Variants in KMT2B observed in about 807,000 individuals in gnomAD.
The protein encoded by KMT2B is lysine methyltransferase 2B.
Under a neutral mutation model 255.3 loss-of-function variants are expected in KMT2B, and 22 were observed. That is an observed-to-expected ratio of 0.09 (90% CI 0.06 to 0.12). KMT2B has a LOEUF of 0.12. Among genes scored for constraint, KMT2B ranks in the 10% least tolerant of loss-of-function variants. KMT2B has a pLI of 1.00. For synonymous variants in KMT2B, 1,730 were observed against 1,498.1 expected, an observed-to-expected ratio of 1.15 and a Z score of -3.57; for missense variants, 3,149 against 3,737.0, an observed-to-expected ratio of 0.84 and a Z score of 4.10.
In KMT2B at chr19:35,737,997, G is replaced by C; in HGVS notation, c.7742+55G>C. 1.9e-6 allele frequency: 3 copies of C among 1,611,310 alleles called. No homozygotes were observed. In the South Asian group the frequency reaches 3.3e-5, roughly 18 times the overall value. ...TTGGGTGGACGGACAGGTGCACTGG[G>C]TAGGGGGTACTGTCTGGTTTCTGTC... On this transcript the variant is annotated intron_variant, in intron 35 of 36. Transcript: ENST00000420124. This position sits in a 1 kb window ranked among gnomAD's most constrained non-coding sequence, Gnocchi z 5.3.
chr19:35,724,921 C>T (rs969502540), intron 9 of KMT2B, 68 bp from the exon 10 acceptor site: 34 of 1,251,162 alleles, frequency 2.7e-5, no homozygotes, highest in South Asian at 1.1e-4. Flanking sequence ...GGGGGAAAGG[C>T]GGTGAGGAGA....
In KMT2B at chr19:35,723,687, G is replaced by A; in HGVS notation, c.3059-45G>A. 3.4e-6 allele frequency: 5 copies of A among 1,492,284 alleles called. No homozygotes were observed. Among genetic ancestry groups the A allele is most frequent in the Non-Finnish European group, 4.5e-6 (5 of 1,112,160 alleles). The allele number at this position is 1,492,284 out of a possible 1,614,324, so 92.4% of individuals were successfully genotyped here. A position where few individuals can be genotyped will look rare whatever the true frequency, so the allele number is the denominator to read the frequency against. On this transcript the variant is annotated intron_variant, in intron 7 of 36. Transcript: ENST00000420124. This position sits in a 1 kb window ranked among gnomAD's most constrained non-coding sequence, Gnocchi z 7.5. Reference sequence around the variant, plus strand: ...TCTGGCTTCTCTCCCAGTGTCCCATGTCCCTGGCTGAGCTCAAATCCTACT... The same window carrying A: ...TCTGGCTTCTCTCCCAGTGTCCCATATCCCTGGCTGAGCTCAAATCCTACT...
intron 2 of KMT2B, 87 bp downstream of exon 2, chr19:35,719,628 C>CT: frequency 6.7e-7 from 1 of 1,502,696 alleles, no homozygotes; most frequent in Admixed American, 1.8e-5. Flanking sequence ...CAACTAGCCT[C>CT]TGTCAGTTGC....
rs772460371 is a variant in KMT2B, at chr19:35,730,358, A to G, written c.5093A>G (p.Asp1698Gly). The G allele has an allele frequency of 1.9e-6, 3 of 1,611,854 alleles. No individual in the cohort carries two copies. Among genetic ancestry groups the G allele is most frequent in the African/African-American group, 2.7e-5 (2 of 74,908 alleles). The change falls in exon 24 of 37, where the codon GAT (aspartate) becomes GGT (glycine). Residue 1698 changes from aspartate (D) to glycine (G), a missense_variant. Asp to Gly is a moderately conservative substitution (Grantham distance 94). Around this residue, in one of 18 missense-constraint regions of KMT2B, gnomAD observed 58 missense variants for 96.9 expected, o/e 0.60. Coordinates refer to ENST00000420124, the MANE Select transcript of KMT2B (RefSeq NM_014727.3). ...LLDGKEIVNP[D>G]GFDVLRRVYV... Reference sequence around the variant, plus strand: ...CTCTTCCAGGAAATTGTGAACCCCGATGGTTTTGATGTTCTCCGCCGAGTC... The same window carrying G: ...CTCTTCCAGGAAATTGTGAACCCCGGTGGTTTTGATGTTCTCCGCCGAGTC...
At chr19:35,722,219 G>C (rs1020621403) in intron 3 of KMT2B, 140 bp from the exon 4 acceptor site, 50 of 834,032 alleles carry the variant, frequency 6.0e-5, no homozygotes, top group Non-Finnish European at 8.5e-5. Context: ...TGGCTAGGCT[G>C]GTCTTGAACT....
Position 35,723,598 on chromosome 19 carries a change from C to T in KMT2B, c.3058+96C>T, listed in dbSNP as rs1169135242. On this transcript the variant is annotated intron_variant, in intron 7 of 36. Coordinates refer to ENST00000420124, the MANE Select transcript of KMT2B (RefSeq NM_014727.3). The surrounding 1 kb of genome is among the most constrained non-coding windows in gnomAD (Gnocchi z 7.5). ...CTTTGCTCTCCTCCCTTGCAGCTCACCCTCTCCATCTTCTCCGTTGTGTGC... is the reference window on the plus strand; with the variant it reads ...CTTTGCTCTCCTCCCTTGCAGCTCATCCTCTCCATCTTCTCCGTTGTGTGC... 7.7e-7 allele frequency: 1 copy of T among 1,305,780 alleles called. No individual in the cohort carries two copies. Among genetic ancestry groups the T allele is most frequent in the Non-Finnish European group, 1.1e-6 (1 of 950,832 alleles). 80.9% of individuals were successfully genotyped at this position (1,305,780 alleles called of 1,614,324 possible).
At position 35,721,584 on chromosome 19, in the gene KMT2B, C is replaced by T. The variant is rs779899277; in HGVS notation, c.2237C>T (p.Thr746Ile). The change falls in exon 3 of 37, where the codon ACC (threonine) becomes ATC (isoleucine). Residue 746 changes from threonine (T) to isoleucine (I), a missense_variant. Transcript: ENST00000420124. The stretch of plus-strand genomic sequence containing the variant: ...CTGCAGCCCCTGCAGGCCTTGCAAA[C>T]CCAGCTCCTGCCCCAGGCACTACCG... ...QLLQPLQALQ[T>I]QLLPQALPPP... The T allele has an allele frequency of 1.4e-5, 23 of 1,612,170 alleles. No individual in the cohort carries two copies. Among genetic ancestry groups the T allele is most frequent in the Non-Finnish European group, 1.9e-5 (23 of 1,179,838 alleles).
chr19:35,719,358 A>G, intron 1 of KMT2B, 111 bp from the exon 2 acceptor site: 1 of 755,566 alleles, frequency 1.3e-6, no homozygotes. Flanking sequence ...CTTTTTAAAT[A>G]GGCAGGGGTA....
In KMT2B at chr19:35,737,332, C is replaced by G; in HGVS notation, c.7550+69C>G. ...GAGAGCTCTTGAGGGTGGGAGTTAA[C>G]TGTAGAGGTTGGAAACTGAGGCCTG... On this transcript the variant is annotated intron_variant, in intron 33 of 36. Transcript: ENST00000420124. The surrounding 1 kb of genome is among the most constrained non-coding windows in gnomAD (Gnocchi z 5.3). 1 of 1,417,106 alleles carries G rather than the reference C, an allele frequency of 7.1e-7. No individual in the cohort carries two copies. Among genetic ancestry groups the G allele is most frequent in the Non-Finnish European group, 9.3e-7 (1 of 1,077,272 alleles). The allele number at this position is 1,417,106 out of a possible 1,614,324, so 87.8% of individuals were successfully genotyped here.
In KMT2B at chr19:35,720,470, G is replaced by A. The variant is rs1969140603; in HGVS notation, c.1123G>A (p.Asp375Asn). 4 of 1,551,204 alleles carry A rather than the reference G, an allele frequency of 2.6e-6. No individual in the cohort carries two copies. The highest frequency in any genetic ancestry group is 1.4e-5 in the African/African-American group (1 of 72,922). ...EEEKKEEEEK[D>N]KEGEEKEERA... The stretch of plus-strand genomic sequence containing the variant: ...AGAGAAGAAAGAAGAAGAAGAAAAA[G>A]ACAAGGAGGGAGAAGAGAAGGAAGA... Residue 375 changes from aspartate (D) to asparagine (N), a missense_variant, in exon 3 of 37, where the codon GAC (aspartate) becomes AAC (asparagine). Physicochemically the swap from Asp to Asn is conservative, Grantham distance 23. Around this residue, in one of 18 missense-constraint regions of KMT2B, gnomAD observed 1,188 missense variants for 1,106.4 expected, o/e 1.07. Coordinates refer to ENST00000420124, the MANE Select transcript of KMT2B (RefSeq NM_014727.3).
At position 35,729,154 on chromosome 19, in the gene KMT2B, C is replaced by A; in HGVS notation, c.4780-5C>A. The A allele has an allele frequency of 6.2e-7, 1 of 1,613,856 alleles. No individual in the cohort carries two copies. Among genetic ancestry groups the A allele is most frequent in the Non-Finnish European group, 8.5e-7 (1 of 1,179,820 alleles). On this transcript the variant is annotated splice_region_variant and splice_polypyrimidine_tract_variant and intron_variant, in intron 21 of 36. Coordinates refer to ENST00000420124, the MANE Select transcript of KMT2B (RefSeq NM_014727.3). The stretch of plus-strand genomic sequence containing the variant: ...CCACATCATGCCACTCCTCTTCTGC[C>A]CCAGGAGGCGGGGCGGCTCTTGTAC...
Position 35,720,392 on chromosome 19 carries a change from G to A in KMT2B, c.1045G>A (p.Gly349Arg), listed in dbSNP as rs1334903284. 5 of 1,581,594 alleles carry A rather than the reference G, an allele frequency of 3.2e-6. No homozygotes were observed. Among genetic ancestry groups the A allele is most frequent in the Middle Eastern group, 1.7e-4 (1 of 6,048 alleles). Reference sequence around the variant, plus strand: ...CCAAAGAAGAGTTGGATCTGGACAGGGAGGGAGCCCTTGCTGGAAAAAGCA... The same window carrying A: ...CCAAAGAAGAGTTGGATCTGGACAGAGAGGGAGCCCTTGCTGGAAAAAGCA... Reference protein sequence around the residue: ...VPQRRVGSGQGGSPCWKKQEQ... With the variant: ...VPQRRVGSGQRGSPCWKKQEQ... Residue 349 changes from glycine (G) to arginine (R), a missense_variant, in exon 3 of 37, where the codon GGA becomes AGA. Transcript: ENST00000420124.
Position 35,725,416 on chromosome 19 carries a change from C to T in KMT2B, c.3643-63C>T, listed in dbSNP as rs529136823. ...ATTCCTTGGGCCCTCTCAGCTGGGT[C>T]TCATCCCTTGGCCCTCTGGCCTCAT... is the stretch of plus-strand genomic sequence containing the variant. On this transcript the variant is annotated intron_variant, in intron 11 of 36. Coordinates refer to ENST00000420124, the MANE Select transcript of KMT2B (RefSeq NM_014727.3). The surrounding 1 kb of genome is among the most constrained non-coding windows in gnomAD (Gnocchi z 4.1). 1.9e-6 allele frequency: 3 copies of T among 1,593,524 alleles called. No homozygotes were observed. The highest frequency in any genetic ancestry group is 1.1e-5 in the South Asian group (1 of 89,912).
chr19:35,725,065 A>C lies in KMT2B; in HGVS notation c.3506A>C (p.His1169Pro), dbSNP rs1356906773. 6.2e-7 allele frequency: 1 copy of C among 1,613,046 alleles called. No individual in the cohort carries two copies. Among genetic ancestry groups the C allele is most frequent in the Non-Finnish European group, 8.5e-7 (1 of 1,179,368 alleles). Residue 1169 changes from histidine (H) to proline (P), a missense_variant, in exon 10 of 37, where the codon CAC becomes CCC. Around this residue, in one of 18 missense-constraint regions of KMT2B, gnomAD observed 42 missense variants for 121.0 expected, o/e 0.35. Transcript: ENST00000420124. The surrounding 1 kb of genome is among the most constrained non-coding windows in gnomAD (Gnocchi z 4.1). The part of the protein sequence containing the change: ...TGKQKSPDGV[H>P]RVRVDFKEDC... ...AAGCAGAAGTCTCCCGATGGTGTGC[A>C]CCGCGTCCGTGTGGATTTTAAGGTA...
In KMT2B at chr19:35,721,821, G is replaced by A; in HGVS notation, c.2457+17G>A. ...TCCATGCCGGTGAGTGTGGTCCCTGGGCCCAGCGGCACACCCAGCCATCCA... is the reference window on the plus strand; with the variant it reads ...TCCATGCCGGTGAGTGTGGTCCCTGAGCCCAGCGGCACACCCAGCCATCCA... On this transcript the variant is annotated intron_variant, in intron 3 of 36. Transcript: ENST00000420124. 1.3e-6 allele frequency: 2 copies of A among 1,545,668 alleles called. No individual in the cohort carries two copies. Among genetic ancestry groups the A allele is most frequent in the Non-Finnish European group, 8.7e-7 (1 of 1,146,864 alleles).
At chr19:35,719,670 G>T in intron 2 of KMT2B, 114 bp from the exon 3 acceptor site, 1 of 1,518,398 alleles carries the variant, frequency 6.6e-7, no homozygotes, top group South Asian at 1.3e-5. Flanking sequence ...GTCCAAGCTA[G>T]TCTGGGCAGC....
Position 35,738,539 on chromosome 19 carries a change from C to T in KMT2B, c.8130C>T (p.Cys2710=). The stretch of plus-strand genomic sequence containing the variant: ...CCTGCAACTGTGGCGCCAAGCGCTG[C>T]CGTCGGTTCCTTAACTGAGGCCGTG... The part of the protein sequence containing the change: ...KLPCNCGAKR[C]RRFLN The change falls in exon 37 of 37, where the codon TGC becomes TGT. Residue 2710 remains cysteine, a synonymous_variant. Coordinates refer to ENST00000420124, the MANE Select transcript of KMT2B (RefSeq NM_014727.3). The surrounding 1 kb of genome is among the most constrained non-coding windows in gnomAD (Gnocchi z 8.7). 7 of 1,613,468 alleles carry T rather than the reference C, an allele frequency of 4.3e-6. No individual in the cohort carries two copies. Among genetic ancestry groups the T allele is most frequent in the South Asian group, 1.1e-5 (1 of 91,046 alleles).
Position 35,721,398 on chromosome 19 carries a change from C to T in KMT2B, c.2051C>T (p.Ala684Val), listed in dbSNP as rs1369679389. 1.9e-6 allele frequency: 3 copies of T among 1,609,458 alleles called. No individual in the cohort carries two copies. The Admixed American group carries it at 5.0e-5, about 27-fold the overall frequency. Residue 684 changes from alanine to valine, a missense_variant, in exon 3 of 37, where the codon GCC becomes GTC. By Grantham distance (64) the Ala-to-Val change is moderately conservative. Transcript: ENST00000420124. ...GCCCCTGAGCCAGAGCCTCCTCCTG[C>T]CGATGACTCTCCAGCTGAGCCTGAG... ...PEAPEPEPPP[A>V]DDSPAEPEPR...
chr19:35,718,453 C>A lies in KMT2B; in HGVS notation c.363+72C>A. On this transcript the variant is annotated intron_variant, in intron 1 of 36. Transcript: ENST00000420124. This position sits in a 1 kb window ranked among gnomAD's most constrained non-coding sequence, Gnocchi z 5.0. Reference sequence around the variant, plus strand: ...GGGCTTCCAGGGGTCTGGGTTGTCCCGGGGGCGGCGTGGGCAGGCCGGGTC... The same window carrying A: ...GGGCTTCCAGGGGTCTGGGTTGTCCAGGGGGCGGCGTGGGCAGGCCGGGTC... The A allele has an allele frequency of 8.3e-7, 1 of 1,204,566 alleles. No individual in the cohort carries two copies. The highest frequency in any genetic ancestry group is 4.5e-5 in the Admixed American group (1 of 22,410). The allele number at this position is 1,204,566 out of a possible 1,614,324, so 74.6% of individuals were successfully genotyped here.
Sources: allele counts gnomAD v4.1 joint callset, GRCh38; gene constraint gnomAD v4.1.1; regional missense constraint gnomAD v4.1.1; non-coding constraint Gnocchi (gnomAD v3.1); transcripts MANE v1.5; gene names NCBI Gene and HGNC (gene_info 2026-07-23, HGNC 2026-07-21).